TYW1: variants seen among roughly 807,000 people sequenced by gnomAD.
TYW1 encodes the protein S-adenosyl-L-methionine-dependent tRNA 4-demethylwyosine synthase TYW1.
A neutral mutation model predicts 96.2 loss-of-function variants in TYW1; 46 were observed. The observed-to-expected ratio is 0.48, with a 90% CI of 0.38 to 0.61. The LOEUF is 0.61. Among genes scored for constraint, TYW1 ranks in the 20% least tolerant of loss-of-function variants. The pLI is 0.00. For synonymous variants in TYW1, 274 were observed against 323.0 expected (o/e 0.85, Z 1.63); for missense variants, 684 against 909.6 (o/e 0.75, Z 3.19).
At chr7:67,143,128 A>G (rs1462160814) in intron 13 of TYW1, among the ~76,000 whole-genome samples, 1 of 152,066 alleles carries the variant, frequency 6.6e-6, no homozygotes, top group Non-Finnish European at 1.5e-5. Flanking sequence ...ATGACTGTCA[A>G]TATTTTGGAG....
intron 8 of TYW1, among the ~76,000 whole-genome samples, chr7:67,051,092 C>T (rs1385140200): frequency 1.3e-5 from 2 of 152,078 alleles, no homozygotes; most frequent in Non-Finnish European, 2.9e-5. Context: ...TGGTCTTGAA[C>T]TCCTGGCCTC....
At chr7:67,070,790 C>A (rs879605942) in intron 10 of TYW1, among the ~76,000 whole-genome samples, 1 of 152,006 alleles carries the variant, frequency 6.6e-6, no homozygotes, top group Non-Finnish European at 1.5e-5. Context: ...TGGGAATACA[C>A]ACTTGTTTCT....
At chr7:67,128,038 C>G (rs1013746575) in intron 13 of TYW1, among the ~76,000 whole-genome samples, 2 of 151,998 alleles carry the variant, frequency 1.3e-5, no homozygotes, top group African/African-American at 4.8e-5. Flanking sequence ...TGACATTTAT[C>G]CTACTTGGTG....
chr7:67,189,949 T>C (rs1308132941), intron 14 of TYW1, among the ~76,000 whole-genome samples: 2 of 151,536 alleles, frequency 1.3e-5, no homozygotes, highest in African/African-American at 2.4e-5. Flanking sequence ...AAAGGTTTCA[T>C]GTTACAACCA....
intron 7 of TYW1, among the ~76,000 whole-genome samples, chr7:67,030,903 A>T (rs1425611401): frequency 2.0e-5 from 3 of 150,466 alleles, no homozygotes; most frequent in African/African-American, 4.9e-5. Context: ...ACATCAAATT[A>T]AAAAAAAAAT....
rs756814171 is a variant in TYW1, at chr7:67,007,270, C to T, written c.274-2313C>T. Among the ~76,000 whole-genome samples the T allele has an allele frequency of 5.9e-5, 9 of 152,240 alleles. 1 individual carries two copies. Among genetic ancestry groups the T allele is most frequent in the South Asian group, 4.1e-4 (2 of 4,828 alleles). ...TACCTGGGGGTGTTACCAAATTCTT[C>T]TAGCTTAATAAAAACCTAAGCTTAA... is the stretch of plus-strand genomic sequence containing the variant. On this transcript the variant is annotated intron_variant, in intron 3 of 15. Transcript: ENST00000359626.
chr7:67,006,034 G>T (rs1211869460), intron 3 of TYW1, among the ~76,000 whole-genome samples: 1 of 152,104 alleles, frequency 6.6e-6, no homozygotes, highest in East Asian at 1.9e-4. Context: ...TGCCATAAAG[G>T]AATACCTGCA....
chr7:67,222,841 C>T (rs942448144), intron 15 of TYW1, among the ~76,000 whole-genome samples: 2 of 149,618 alleles, frequency 1.3e-5, no homozygotes, highest in Non-Finnish European at 3.0e-5. Flanking sequence ...TGTTCATGGT[C>T]CCTTAATCTC....
At chr7:67,133,175 A>G (rs923737829) in intron 13 of TYW1, among the ~76,000 whole-genome samples, 2 of 152,224 alleles carry the variant, frequency 1.3e-5, no homozygotes, top group East Asian at 1.9e-4. Flanking sequence ...ATCTTGCTCT[A>G]TTGGCAGACT....
intron 3 of TYW1, among the ~76,000 whole-genome samples, chr7:67,003,968 C>T (rs915465158): frequency 6.6e-6 from 1 of 152,096 alleles, no homozygotes; most frequent in Admixed American, 6.6e-5. Flanking sequence ...CACTTGAACC[C>T]GGGAGGCAGA....
chr7:67,146,543 C>G (rs10250751), intron 13 of TYW1, among the ~76,000 whole-genome samples: 39,108 of 151,288 alleles, frequency 0.26, 5,562 homozygotes, highest in African/African-American at 0.38. Context: ...TAAACAAAGC[C>G]CAACCACTTG....
intron 4 of TYW1, among the ~76,000 whole-genome samples, chr7:67,011,566 C>G (rs993923005): frequency 6.6e-6 from 1 of 152,106 alleles, no homozygotes; most frequent in Non-Finnish European, 1.5e-5. Context: ...GTGATGCTGA[C>G]ACAGGTAGAG....
chr7:67,197,326 CTTTTT>C (rs35406844), intron 15 of TYW1, among the ~76,000 whole-genome samples: 2 of 142,536 alleles, frequency 1.4e-5, no homozygotes, highest in Admixed American at 1.4e-4. Context: ...AGACCTCTGT[CTTTTT>C]TTTTTTTTTT....
In TYW1 at chr7:67,049,608, G is replaced by T. The variant is rs555039959; in HGVS notation, c.985-341G>T. On this transcript the variant is annotated intron_variant, in intron 7 of 15. Coordinates refer to ENST00000359626, the MANE Select transcript of TYW1 (RefSeq NM_018264.4). Reference sequence around the variant, plus strand: ...GTTGCCCAGGCTGGAGTACGGTGGTGTGATCTCGGCTCACTGCAACTTTCG... The same window carrying T: ...GTTGCCCAGGCTGGAGTACGGTGGTTTGATCTCGGCTCACTGCAACTTTCG... Among the ~76,000 whole-genome samples, 44 of 152,152 alleles carry T rather than the reference G, an allele frequency of 2.9e-4. 1 individual carries two copies. Among genetic ancestry groups the T allele is most frequent in the Middle Eastern group, 6.8e-3 (2 of 294 alleles).
chr7:67,069,501 T>C (rs2421286), intron 10 of TYW1, among the ~76,000 whole-genome samples: 89,721 of 152,082 alleles, frequency 0.59, 26,885 homozygotes, highest in African/African-American at 0.68. Flanking sequence ...CATCTTGGGA[T>C]GCCAAGGTGG....
chr7:67,103,183 A>G (rs924214863), intron 12 of TYW1, among the ~76,000 whole-genome samples: 1 of 152,228 alleles, frequency 6.6e-6, no homozygotes, highest in Non-Finnish European at 1.5e-5. Context: ...TGAGATCTGC[A>G]GATTACTGCT....
At chr7:67,181,435 A>G (rs1010372764) in intron 13 of TYW1, among the ~76,000 whole-genome samples, 1 of 152,198 alleles carries the variant, frequency 6.6e-6, no homozygotes, top group Non-Finnish European at 1.5e-5. Flanking sequence ...ACACATGAGT[A>G]AATATGCTTG....
rs1262116727 is a variant in TYW1, at chr7:67,158,980, T to G, written c.1699-24146T>G. ...ATTTTTCCAGAGCCAAATTTTTGTTTTGTTGATTATTCTCTTTTGGTTTTC... is the reference window on the plus strand; with the variant it reads ...ATTTTTCCAGAGCCAAATTTTTGTTGTGTTGATTATTCTCTTTTGGTTTTC... On this transcript the variant is annotated intron_variant, in intron 13 of 15. Transcript: ENST00000359626. 2.0e-5 allele frequency among the ~76,000 whole-genome samples: 3 copies of G among 152,216 alleles called. No homozygotes were observed. In the East Asian group the frequency reaches 5.8e-4, roughly 29 times the overall value.
chr7:67,030,805 C>T (rs1344298140), intron 7 of TYW1, among the ~76,000 whole-genome samples: 3 of 151,672 alleles, frequency 2.0e-5, no homozygotes, highest in African/African-American at 7.3e-5. Context: ...GCCAAAAAGA[C>T]GTAGGAACCA....
Sources: gnomAD v4.1 joint callset for allele counts (sites outside exome capture counted in the v4.1 genomes callset) on GRCh38, gnomAD v4.1.1 for gene constraint, MANE v1.5 for transcripts, NCBI Gene and HGNC (gene_info 2026-07-23, HGNC 2026-07-21) for gene names.